RBFOX3: variants seen among roughly 807,000 people sequenced by gnomAD.
The protein encoded by RBFOX3 is RNA binding protein fox-1 homolog 3.
RBFOX3 carries 17 observed loss-of-function variants against 48.7 expected under a neutral mutation model. That is an observed-to-expected ratio of 0.35 (90% CI 0.24 to 0.52). The LOEUF is 0.52. Among genes scored for constraint, RBFOX3 ranks in the 20% least tolerant of loss-of-function variants. RBFOX3 has a pLI of 0.94. For synonymous variants in RBFOX3, 212 were observed against 209.5 expected, an observed-to-expected ratio of 1.01 and a Z score of -0.10; for missense variants, 382 against 497.5, an observed-to-expected ratio of 0.77 and a Z score of 2.21.
intron 3 of RBFOX3, among the ~76,000 whole-genome samples, chr17:79,305,024 G>T (rs760072816): frequency 1.3e-5 from 2 of 152,232 alleles, no homozygotes; most frequent in Admixed American, 1.3e-4. Context: ...TTAGAGGGCC[G>T]GGTGGACTCC....
chr17:79,143,268 G>A (rs1304088575), intron 4 of RBFOX3, among the ~76,000 whole-genome samples: 2 of 151,178 alleles, frequency 1.3e-5, no homozygotes, highest in Non-Finnish European at 2.9e-5. Flanking sequence ...TGCCCACCCT[G>A]CCTCTGTCCT....
At chr17:79,412,223 T>C (rs1488173780) in intron 2 of RBFOX3, among the ~76,000 whole-genome samples, 1 of 149,834 alleles carries the variant, frequency 6.7e-6, no homozygotes, top group Admixed American at 6.6e-5. Context: ...GTGTCATGTA[T>C]GCATGTGTTG....
chr17:79,603,416 A>G (rs1343382755), intron 1 of RBFOX3, among the ~76,000 whole-genome samples: 2 of 152,160 alleles, frequency 1.3e-5, no homozygotes, highest in Non-Finnish European at 2.9e-5. Context: ...CCGGGTAACA[A>G]CTGAGTCCAC....
intron 1 of RBFOX3, among the ~76,000 whole-genome samples, chr17:79,595,846 G>A (rs2093555933): frequency 1.3e-5 from 2 of 152,244 alleles, no homozygotes; most frequent in Admixed American, 6.5e-5. Flanking sequence ...CGCATTCACA[G>A]GCTAAATATA....
At chr17:79,169,270 T>G (rs1344651760) in intron 4 of RBFOX3, among the ~76,000 whole-genome samples, 1 of 151,576 alleles carries the variant, frequency 6.6e-6, no homozygotes, top group Non-Finnish European at 1.5e-5. Context: ...AGGGGCTGGG[T>G]TTTTCTTTTT....
intron 4 of RBFOX3, among the ~76,000 whole-genome samples, chr17:79,226,066 C>T (rs910136499): frequency 6.6e-6 from 1 of 152,134 alleles, no homozygotes. Flanking sequence ...CTGAGGCTTT[C>T]TGGGGAGAAT....
chr17:79,122,120 ACCACAAACAGTCCAGTAGCAAACC>A (rs1451441229), intron 4 of RBFOX3, among the ~76,000 whole-genome samples: 42 of 152,022 alleles, frequency 2.8e-4, no homozygotes, highest in African/African-American at 9.7e-4. Context: ...TGGCCCACAC[ACCACAAACAGTCCAGTAGCAAACC>A]CCACAAACAG....
chr17:79,235,299 G>T (rs567618365), intron 4 of RBFOX3: 1 of 152,086 alleles, frequency 6.6e-6, no homozygotes, highest in Non-Finnish European at 1.5e-5. Context: ...CCCCTTCCCC[G>T]AGGAGACCAG....
chr17:79,230,608 C>T (rs1336112324), intron 4 of RBFOX3, among the ~76,000 whole-genome samples: 1 of 152,186 alleles, frequency 6.6e-6, no homozygotes, highest in Non-Finnish European at 1.5e-5. Flanking sequence ...CGCTGTGAAG[C>T]AGTCTTGCTA....
chr17:79,201,790 T>C (rs1480996323), intron 4 of RBFOX3, among the ~76,000 whole-genome samples: 1 of 152,166 alleles, frequency 6.6e-6, no homozygotes, highest in African/African-American at 2.4e-5. Flanking sequence ...TCCCACGTGC[T>C]TTCTCTCCTC....
chr17:79,187,575 C>G (rs1477738188), intron 4 of RBFOX3, among the ~76,000 whole-genome samples: 1 of 152,184 alleles, frequency 6.6e-6, no homozygotes, highest in African/African-American at 2.4e-5. Flanking sequence ...AGAACTAGAT[C>G]TCCACAGTGG....
chr17:79,118,987 A>AAAAAAAAG (rs2074073467), intron 4 of RBFOX3, among the ~76,000 whole-genome samples: 1 of 134,112 alleles, frequency 7.5e-6, no homozygotes, highest in Admixed American at 7.3e-5. Context: ...AAAAAAAAAA[A>AAAAAAAAG]AAAAAATAAA....
At position 79,423,343 on chromosome 17, in the gene RBFOX3, A is replaced by G. The variant is rs1428252986; in HGVS notation, c.-175+59111T>C. On this transcript the variant is annotated intron_variant, in intron 2 of 14. Coordinates refer to ENST00000693108, the MANE Select transcript of RBFOX3 (RefSeq NM_001350451.2). This position sits in a 1 kb window ranked among gnomAD's most constrained non-coding sequence, Gnocchi z 4.9. The stretch of plus-strand genomic sequence containing the variant: ...CAGGAGCCAGGATGATTCTGCTTTC[A>G]ATGCTTGTGCAGATCCTGCCGCACA... 6.6e-6 allele frequency among the ~76,000 whole-genome samples: 1 copy of G among 152,030 alleles called. No individual in the cohort carries two copies. Among genetic ancestry groups the G allele is most frequent in the Non-Finnish European group, 1.5e-5 (1 of 67,998 alleles).
chr17:79,652,335 T>C, the RBFOX3 span, among the ~76,000 whole-genome samples: 1 of 151,620 alleles, frequency 6.6e-6, no homozygotes, highest in South Asian at 2.1e-4. Flanking sequence ...CTGGGGTCAA[T>C]AGAAGTGTTA....
At chr17:79,497,484 T>A (rs2081714746) in intron 1 of RBFOX3, among the ~76,000 whole-genome samples, 3 of 152,140 alleles carry the variant, frequency 2.0e-5, no homozygotes, top group African/African-American at 7.2e-5. Context: ...ATAAGGAAAG[T>A]GTCTCATACG....
chr17:79,097,663 T>TACCAAA, intron 10 of RBFOX3, 29 bp downstream of exon 10: 4 of 1,384,076 alleles, frequency 2.9e-6, no homozygotes, highest in Non-Finnish European at 3.9e-6. Flanking sequence ...GCTGGTCTCA[T>TACCAAA]CCCATCCCCG....
At chr17:79,465,467 G>C (rs2149321007) in intron 2 of RBFOX3, among the ~76,000 whole-genome samples, 1 of 152,208 alleles carries the variant, frequency 6.6e-6, no homozygotes, top group East Asian at 1.9e-4. Flanking sequence ...TGGCAGCGTG[G>C]GCGTTAGGTA....
intron 2 of RBFOX3, among the ~76,000 whole-genome samples, chr17:79,396,964 G>A (rs972814408): frequency 3.3e-5 from 5 of 152,220 alleles, no homozygotes; most frequent in Admixed American, 1.3e-4. Flanking sequence ...CTGTCACAGC[G>A]GCAGGGAACG....
At chr17:79,489,189 A>G (rs893736417) in intron 1 of RBFOX3, among the ~76,000 whole-genome samples, 1 of 146,340 alleles carries the variant, frequency 6.8e-6, no homozygotes, top group Non-Finnish European at 1.5e-5. Context: ...TTGCTGGTTC[A>G]TTTTATTGCA....
Sources: allele counts gnomAD v4.1 joint callset (sites outside exome capture counted in the v4.1 genomes callset), GRCh38; gene constraint gnomAD v4.1.1; non-coding constraint Gnocchi (gnomAD v3.1); transcripts MANE v1.5; gene names NCBI Gene and HGNC (gene_info 2026-07-23, HGNC 2026-07-21).